Variants in ABHD3 observed in about 807,000 individuals in gnomAD.
ABHD3 encodes the protein abhydrolase domain containing 3, phospholipase, also known as phospholipase ABHD3.
ABHD3 carries 46 observed loss-of-function variants against 48.8 expected under a neutral mutation model. The observed-to-expected ratio is 0.94, with a 90% CI of 0.74 to 1.20. ABHD3 has a LOEUF of 1.20. Among genes scored for constraint, ABHD3 ranks in the 50% most tolerant of loss-of-function variants. The probability of loss-of-function intolerance (pLI) is 0.00; values close to 1 mark genes in which losing one functional copy is unlikely to be tolerated. For missense variants in ABHD3, 490 were observed against 497.8 expected, an observed-to-expected ratio of 0.98 and a Z score of 0.15; for synonymous variants, 192 against 183.7, an observed-to-expected ratio of 1.04 and a Z score of -0.36.
In ABHD3 at chr18:21,657,194, C is replaced by T. The variant is rs1240695277; in HGVS notation, c.843-42G>A. The T allele has an allele frequency of 4.5e-6, 7 of 1,555,358 alleles. No individual in the cohort carries two copies. The Admixed American group carries it at 1.3e-4, about 30-fold the overall frequency. ...TCGGAAGTAAAAATCAAGATCATTC[C>T]TACTCCATCATACTAAAAGGACTTA... On this transcript the variant is annotated intron_variant, in intron 6 of 8. Transcript: ENST00000289119.
At position 21,703,720 on chromosome 18, in the gene ABHD3, T is replaced by C; in HGVS notation, c.190A>G (p.Ser64Gly). The part of the protein sequence containing the change: ...KKPQLVTGGE[S>G]FSRFLQDHCP... ...TGGTCTTGAAGGAAGCGGCTGAAAC[T>C]CTCACCCCCGGTCACTAACTGGGGT... The change falls in exon 2 of 9, where the codon AGT becomes GGT. Residue 64 changes from serine (S) to glycine (G), a missense_variant. By Grantham distance (56) the Ser-to-Gly change is moderately conservative. Transcript: ENST00000289119. 1 of 1,613,918 alleles carries C rather than the reference T, an allele frequency of 6.2e-7. No homozygotes were observed. Among genetic ancestry groups the C allele is most frequent in the South Asian group, 1.1e-5 (1 of 91,076 alleles).
At chr18:21,653,717 C>A (rs76240723) in intron 8 of ABHD3, among the ~76,000 whole-genome samples, 2,375 of 142,566 alleles carry the variant, frequency 0.017, 63 homozygotes, top group African/African-American at 0.061. Context: ...CGAGACTGAC[C>A]GTGTCTTTAC....
At chr18:21,668,888 C>T (rs1598524434) in intron 4 of ABHD3, among the ~76,000 whole-genome samples, 1 of 151,936 alleles carries the variant, frequency 6.6e-6, no homozygotes, top group Non-Finnish European at 1.5e-5. Flanking sequence ...GCCGTATAGC[C>T]CCAGCTGTGC....
intron 3 of ABHD3, among the ~76,000 whole-genome samples, chr18:21,687,824 AC>A (rs2040161892): frequency 6.6e-6 from 1 of 152,214 alleles, no homozygotes; most frequent in African/African-American, 2.4e-5. Context: ...AATCTTTAGT[AC>A]TATGGACATT....
rs534245621 is a variant in ABHD3, at chr18:21,683,803, A to G, written c.555+117T>C. On this transcript the variant is annotated intron_variant, in intron 4 of 8. Coordinates refer to ENST00000289119, the MANE Select transcript of ABHD3 (RefSeq NM_138340.5). The stretch of plus-strand genomic sequence containing the variant: ...TTCCATATCTGTATTTTTGTATAAT[A>G]AATTTGTATTGCTTACATAAACAGA... 9.6e-5 allele frequency: 98 copies of G among 1,020,600 alleles called. 1 individual carries two copies. The South Asian group carries it at 1.9e-3, about 20-fold the overall frequency. The allele number at this position is 1,020,600 out of a possible 1,614,324, so 63.2% of individuals were successfully genotyped here.
intron 8 of ABHD3, among the ~76,000 whole-genome samples, chr18:21,653,503 A>T (rs1257976731): frequency 6.6e-6 from 1 of 151,484 alleles, no homozygotes; most frequent in Non-Finnish European, 1.5e-5. Flanking sequence ...CCATGCTTAG[A>T]GGTCAGTGAA....
intron 3 of ABHD3, chr18:21,702,084 C>T: frequency 2.6e-6 from 1 of 379,748 alleles, no homozygotes; most frequent in Non-Finnish European, 4.8e-6. Context: ...TTCATTAACT[C>T]AGCCTAAATC....
chr18:21,659,671 TTG>T (rs909024747), intron 5 of ABHD3, among the ~76,000 whole-genome samples: 1 of 151,102 alleles, frequency 6.6e-6, no homozygotes, highest in East Asian at 1.9e-4. Context: ...TTTTTTTTTT[TTG>T]TGTGTGTGTG....
intron 8 of ABHD3, among the ~76,000 whole-genome samples, chr18:21,653,454 T>C (rs960121964): frequency 2.6e-5 from 4 of 151,796 alleles, no homozygotes; most frequent in African/African-American, 4.8e-5. Flanking sequence ...GGCCTGAGTA[T>C]AACCTTTAAA....
At chr18:21,695,754 A>C (rs564651606) in intron 3 of ABHD3, among the ~76,000 whole-genome samples, 1 of 152,314 alleles carries the variant, frequency 6.6e-6, no homozygotes, top group South Asian at 2.1e-4. Context: ...GAGAGAAATA[A>C]GTTTATACCG....
chr18:21,673,677 C>T (rs1440208003), intron 4 of ABHD3: 2 of 152,076 alleles, frequency 1.3e-5, no homozygotes, highest in South Asian at 2.1e-4. Flanking sequence ...GCAGTCTCGG[C>T]TCACTGCAAC....
intron 3 of ABHD3, among the ~76,000 whole-genome samples, chr18:21,689,018 T>G (rs2040186089): frequency 6.6e-6 from 1 of 152,152 alleles, no homozygotes; most frequent in Non-Finnish European, 1.5e-5. Context: ...AATGTCCAGG[T>G]AGATCCTTTA....
intron 6 of ABHD3, 68 bp downstream of exon 6, chr18:21,659,102 G>C: frequency 2.7e-6 from 4 of 1,483,812 alleles, no homozygotes; most frequent in Non-Finnish European, 3.7e-6. Context: ...GCCTCCCAAA[G>C]TGCTGGGATT....
intron 5 of ABHD3, among the ~76,000 whole-genome samples, chr18:21,663,193 T>TA (rs2039541711): frequency 6.6e-6 from 1 of 152,240 alleles, no homozygotes; most frequent in Non-Finnish European, 1.5e-5. Flanking sequence ...ATTATCTTTT[T>TA]AAAAAAATTA....
intron 3 of ABHD3, among the ~76,000 whole-genome samples, chr18:21,692,396 T>C (rs1031215136): frequency 3.3e-5 from 5 of 152,340 alleles, no homozygotes; most frequent in Admixed American, 3.3e-4. Context: ...ATAACCTATA[T>C]ATAATGCCTG....
chr18:21,652,290 C>T (rs969819625), intron 8 of ABHD3, among the ~76,000 whole-genome samples: 13 of 149,926 alleles, frequency 8.7e-5, no homozygotes, highest in South Asian at 4.2e-4. Context: ...CTCAGGAGTT[C>T]GACACCAGCC....
At chr18:21,688,942 G>C (rs2040184821) in intron 3 of ABHD3, among the ~76,000 whole-genome samples, 1 of 152,052 alleles carries the variant, frequency 6.6e-6, no homozygotes, top group Admixed American at 6.6e-5. Flanking sequence ...AAACAGGTTA[G>C]GACAAAAATA....
intron 3 of ABHD3, among the ~76,000 whole-genome samples, chr18:21,695,039 CT>C (rs1213769453): frequency 2.7e-5 from 4 of 149,784 alleles, no homozygotes; most frequent in African/African-American, 2.4e-5. Flanking sequence ...ATATGATTTT[CT>C]TTTTTTTTTG....
intron 5 of ABHD3, among the ~76,000 whole-genome samples, chr18:21,660,759 A>T (rs1568138884): frequency 6.6e-6 from 1 of 152,188 alleles, no homozygotes; most frequent in African/African-American, 2.4e-5. Context: ...ATCCTTCATA[A>T]CAACTGAACT....
Sources: gnomAD v4.1 joint callset for allele counts (sites outside exome capture counted in the v4.1 genomes callset) on GRCh38, gnomAD v4.1.1 for gene constraint, MANE v1.5 for transcripts, NCBI Gene and HGNC (gene_info 2026-07-23, HGNC 2026-07-21) for gene names.